The following STARD13 variants were observed in gnomAD, a reference collection of about 807,000 sequenced individuals.
The protein encoded by STARD13 is stAR-related lipid transfer protein 13.
A neutral mutation model predicts 106.4 loss-of-function variants in STARD13; 62 were observed. That is an observed-to-expected ratio of 0.58 (90% CI 0.48 to 0.72). The LOEUF is 0.72. Among genes scored for constraint, STARD13 ranks in the 30% least tolerant of loss-of-function variants. The probability of loss-of-function intolerance (pLI) is 0.00; values close to 1 mark genes in which losing one functional copy is unlikely to be tolerated. For synonymous variants in STARD13, 565 were observed against 553.0 expected (o/e 1.02, Z -0.31); for missense variants, 1,387 against 1,424.0 (o/e 0.97, Z 0.42).
At chr13:33,437,562 T>C in the STARD13 span, among the ~76,000 whole-genome samples, 3 of 152,216 alleles carry the variant, frequency 2.0e-5, no homozygotes, top group Non-Finnish European at 4.4e-5. Flanking sequence ...CAGTTGACTT[T>C]ACATTTTACA....
downstream of STARD13, among the ~76,000 whole-genome samples, chr13:33,344,967 A>G (rs983859404): frequency 2.0e-5 from 3 of 152,250 alleles, no homozygotes; most frequent in Admixed American, 2.0e-4. Context: ...GCTTACAAAC[A>G]CCAAAAGCTA....
At chr13:33,593,484 GA>G in the STARD13 span, among the ~76,000 whole-genome samples, 1 of 152,066 alleles carries the variant, frequency 6.6e-6, no homozygotes, top group Non-Finnish European at 1.5e-5. Flanking sequence ...TGCCCTGCCA[GA>G]TGTTTACTTT....
chr13:33,543,675 C>T, the STARD13 span, among the ~76,000 whole-genome samples: 1 of 152,190 alleles, frequency 6.6e-6, no homozygotes, highest in Admixed American at 6.5e-5. Context: ...CATCCAGATT[C>T]TCTAGAAGGC....
the STARD13 span, among the ~76,000 whole-genome samples, chr13:33,385,785 G>A: frequency 4.7e-5 from 7 of 149,962 alleles, no homozygotes; most frequent in South Asian, 4.2e-4. Context: ...ACTTGAGTCC[G>A]GGTTGCAGTG....
the STARD13 span, among the ~76,000 whole-genome samples, chr13:33,482,691 T>C: frequency 2.0e-5 from 3 of 152,194 alleles, no homozygotes; most frequent in Non-Finnish European, 4.4e-5. Flanking sequence ...TAAAAATGCA[T>C]CTTTTAATGT....
the STARD13 span, among the ~76,000 whole-genome samples, chr13:33,453,248 A>G: frequency 6.6e-6 from 1 of 152,258 alleles, no homozygotes; most frequent in Admixed American, 6.5e-5. Context: ...AAACAACAAC[A>G]AAACATGCTA....
chr13:33,105,790 C>G, intron 13 of STARD13, 80 bp from the exon 14 acceptor site: 1 of 1,211,986 alleles, frequency 8.3e-7, no homozygotes, highest in South Asian at 1.2e-5. Context: ...ACAGGGCTGC[C>G]CTTGGGCCCC....
At chr13:33,538,425 G>A in the STARD13 span, among the ~76,000 whole-genome samples, 2 of 152,102 alleles carry the variant, frequency 1.3e-5, no homozygotes, top group South Asian at 2.1e-4. Flanking sequence ...CTAACACCTC[G>A]GCTTTTAGCT....
the STARD13 span, among the ~76,000 whole-genome samples, chr13:33,666,711 C>G: frequency 1.5e-4 from 23 of 152,308 alleles, no homozygotes; most frequent in African/African-American, 5.5e-4. Flanking sequence ...CTGCCTCAGC[C>G]TCCCAAGTAG....
At chr13:33,582,421 T>TCAAA in the STARD13 span, among the ~76,000 whole-genome samples, 1 of 152,068 alleles carries the variant, frequency 6.6e-6, no homozygotes, top group Admixed American at 6.6e-5. Context: ...CATAACATCC[T>TCAAA]CAAACTTGGG....
At chr13:33,601,163 G>T in the STARD13 span, among the ~76,000 whole-genome samples, 30 of 152,044 alleles carry the variant, frequency 2.0e-4, 1 homozygote, top group East Asian at 5.6e-3. Context: ...CACAATAGAG[G>T]ATAAGGGTTA....
chr13:33,668,401 G>C, the STARD13 span, among the ~76,000 whole-genome samples: 3 of 152,308 alleles, frequency 2.0e-5, no homozygotes, highest in African/African-American at 7.2e-5. Flanking sequence ...CCAGCAACCT[G>C]GTGGTGGGCA....
At chr13:33,325,983 T>TA (rs59403273) in intron 1 of STARD13, among the ~76,000 whole-genome samples, 63,416 of 96,018 alleles carry the variant, frequency 0.66, 21,646 homozygotes, top group Middle Eastern at 0.83. Context: ...AGACTCCGTT[T>TA]AAAAAAAAAA....
Position 33,129,685 on chromosome 13 carries a change from C to G in STARD13, c.992G>C (p.Gly331Ala), listed in dbSNP as rs1364875311. 1 of 1,613,948 alleles carries G rather than the reference C, an allele frequency of 6.2e-7. No individual in the cohort carries two copies. Among genetic ancestry groups the G allele is most frequent in the Non-Finnish European group, 8.5e-7 (1 of 1,180,040 alleles). Residue 331 changes from glycine to alanine, a missense_variant, in exon 5 of 14, where the codon GGC (glycine) becomes GCC (alanine). Gly to Ala is a moderately conservative substitution (Grantham distance 60, BLOSUM62 0). Coordinates refer to ENST00000336934, the MANE Select transcript of STARD13 (RefSeq NM_178006.4). ...GCTGTGCTCCGACGGGCTGCTCTCGCCACTCGACTTGCCAGAGCATGGGAG... is the reference window on the plus strand; with the variant it reads ...GCTGTGCTCCGACGGGCTGCTCTCGGCACTCGACTTGCCAGAGCATGGGAG... ...KGLPCSGKSS[G>A]ESSPSEHSSS...
the STARD13 span, among the ~76,000 whole-genome samples, chr13:33,574,128 G>A: frequency 6.6e-6 from 1 of 152,174 alleles, no homozygotes; most frequent in Non-Finnish European, 1.5e-5. Flanking sequence ...CAGGGGCGCT[G>A]AGTGTGAGGA....
intron 1 of STARD13, among the ~76,000 whole-genome samples, chr13:33,223,894 C>T (rs910486807): frequency 6.6e-6 from 1 of 152,032 alleles, no homozygotes; most frequent in Non-Finnish European, 1.5e-5. Context: ...TAGAACAGTG[C>T]CTACTACATA....
chr13:33,499,536 T>C, the STARD13 span, among the ~76,000 whole-genome samples: 2 of 46,528 alleles, frequency 4.3e-5, no homozygotes, highest in Non-Finnish European at 9.2e-5. Context: ...TTCTTCTTCT[T>C]CTTCTTCTTC....
At chr13:33,243,698 G>C (rs946332355) in intron 1 of STARD13, among the ~76,000 whole-genome samples, 4 of 152,110 alleles carry the variant, frequency 2.6e-5, no homozygotes, top group African/African-American at 4.8e-5. Flanking sequence ...GCAAAAACAG[G>C]GTCCCCGGGC....
At chr13:33,603,451 C>T in the STARD13 span, among the ~76,000 whole-genome samples, 1 of 152,254 alleles carries the variant, frequency 6.6e-6, no homozygotes, top group Middle Eastern at 3.4e-3. Flanking sequence ...AACGCTGGGA[C>T]TTATGAGGAC....
Sources: allele counts gnomAD v4.1 joint callset (sites outside exome capture counted in the v4.1 genomes callset), GRCh38; gene constraint gnomAD v4.1.1; transcripts MANE v1.5; gene names NCBI Gene and HGNC (gene_info 2026-07-23, HGNC 2026-07-21).